CHRNB3: variants seen among roughly 807,000 people sequenced by gnomAD.
The protein encoded by CHRNB3 is cholinergic receptor nicotinic beta 3 subunit, also known as neuronal acetylcholine receptor subunit beta-3.
Under a neutral mutation model 40.6 loss-of-function variants are expected in CHRNB3, and 37 were observed. The observed-to-expected ratio is 0.91, with a 90% confidence interval of 0.70 to 1.20. The LOEUF (loss-of-function observed/expected upper bound fraction) is 1.20. Among genes scored for constraint, CHRNB3 ranks in the 50% most tolerant of loss-of-function variants. The pLI, the probability that CHRNB3 is intolerant of heterozygous loss-of-function variation, is 0.00. For missense variants in CHRNB3, 505 were observed against 551.2 expected (o/e 0.92, Z 0.84); for synonymous variants, 207 against 207.1 (o/e 1.00, Z 0.00).
chr8:42,698,449 C>T (rs1003653480), intron 1 of CHRNB3, among the ~76,000 whole-genome samples: 2 of 152,134 alleles, frequency 1.3e-5, no homozygotes, highest in Non-Finnish European at 2.9e-5. Context: ...ATTTTTGCCA[C>T]GTTTGATTAT....
At chr8:42,725,806 A>G (rs1004439650) in intron 3 of CHRNB3, 4 of 865,462 alleles carry the variant, frequency 4.6e-6, no homozygotes, top group Non-Finnish European at 7.8e-6. Flanking sequence ...CAGATTTGGA[A>G]ATCCCTAGGT....
intron 5 of CHRNB3, among the ~76,000 whole-genome samples, chr8:42,736,108 C>G (rs1266453510): frequency 6.6e-6 from 1 of 152,106 alleles, no homozygotes; most frequent in Admixed American, 6.5e-5. Flanking sequence ...CAGGTGATCC[C>G]CCCACCCCCA....
chr8:42,697,902 A>G (rs555732841), intron 1 of CHRNB3, among the ~76,000 whole-genome samples: 1 of 152,314 alleles, frequency 6.6e-6, no homozygotes, highest in South Asian at 2.1e-4. Flanking sequence ...GAATGCACTG[A>G]GCATTACTCA....
intron 2 of CHRNB3, among the ~76,000 whole-genome samples, 200 bp from the exon 3 acceptor site, chr8:42,710,190 G>A (rs919005934): frequency 3.3e-5 from 5 of 152,048 alleles, no homozygotes; most frequent in African/African-American, 7.2e-5. Context: ...GTGTGGTGGC[G>A]TGCACTTATA....
chr8:42,709,647 T>C (rs901432915), intron 2 of CHRNB3, among the ~76,000 whole-genome samples: 1 of 152,152 alleles, frequency 6.6e-6, no homozygotes, highest in African/African-American at 2.4e-5. Flanking sequence ...TTATTGTTGT[T>C]GTTGAGACAG....
At chr8:42,710,293 G>T in intron 2 of CHRNB3, 97 bp from the exon 3 acceptor site, 1 of 947,308 alleles carries the variant, frequency 1.1e-6, no homozygotes, top group East Asian at 2.6e-5. Context: ...ACTCCAGCCT[G>T]GGCAACATCT....
chr8:42,710,258 C>T, intron 2 of CHRNB3, 132 bp from the exon 3 acceptor site: 2 of 683,986 alleles, frequency 2.9e-6, no homozygotes, highest in Non-Finnish European at 2.5e-6. Flanking sequence ...GTTGAGGGTG[C>T]AGTGAGCTAT....
intron 5 of CHRNB3, 72 bp from the exon 6 acceptor site, chr8:42,736,412 T>C: frequency 6.5e-7 from 1 of 1,542,976 alleles, no homozygotes; most frequent in Non-Finnish European, 8.8e-7. Context: ...TTACTCTTTT[T>C]TAATCCCTTG....
chr8:42,725,580 A>T, intron 3 of CHRNB3: 2 of 1,044,964 alleles, frequency 1.9e-6, no homozygotes, highest in Non-Finnish European at 2.9e-6. Flanking sequence ...TGATGCATTC[A>T]CCCTGATAGC....
intron 3 of CHRNB3, among the ~76,000 whole-genome samples, chr8:42,724,374 C>T (rs1816269497): frequency 6.6e-6 from 1 of 152,160 alleles, no homozygotes; most frequent in East Asian, 1.9e-4. Context: ...GGATATCCTA[C>T]TTAACATAAT....
intron 5 of CHRNB3, among the ~76,000 whole-genome samples, chr8:42,735,690 C>G (rs1328680628): frequency 6.6e-6 from 1 of 152,070 alleles, no homozygotes; most frequent in East Asian, 1.9e-4. Context: ...GTTTATGGAC[C>G]TGTTGCCCAC....
intron 3 of CHRNB3, among the ~76,000 whole-genome samples, chr8:42,720,754 C>T (rs1816207415): frequency 6.6e-6 from 1 of 152,212 alleles, no homozygotes. Context: ...ACAAATCTTT[C>T]TGACTTAAAA....
At chr8:42,730,458 G>T in intron 3 of CHRNB3, 136 bp from the exon 4 acceptor site, 1 of 550,376 alleles carries the variant, frequency 1.8e-6, no homozygotes, top group South Asian at 3.0e-5. Context: ...CCCCAGTAGG[G>T]TCACGCAGTC....
chr8:42,733,964 A>C (rs1229567734), intron 5 of CHRNB3, among the ~76,000 whole-genome samples: 1 of 149,458 alleles, frequency 6.7e-6, no homozygotes, highest in African/African-American at 2.4e-5. Context: ...AAGCGTAAAA[A>C]GTGATCTGTT....
intron 1 of CHRNB3, among the ~76,000 whole-genome samples, chr8:42,700,883 T>C (rs145802257): frequency 3.6e-4 from 55 of 152,106 alleles, no homozygotes; most frequent in Middle Eastern, 3.4e-3. Context: ...TGGATGTTGA[T>C]ATGGAGGTGG....
chr8:42,703,435 A>AAAAAAAT, intron 1 of CHRNB3, among the ~76,000 whole-genome samples: 714 of 47,336 alleles, frequency 0.015, 142 homozygotes, highest in South Asian at 0.043. Flanking sequence ...AAAAAAAAAA[A>AAAAAAAT]ATATTTATAT....
rs1343049310 is a variant in CHRNB3, at chr8:42,731,825, C to T, written c.518C>T (p.Ser173Phe). 1 of 1,614,036 alleles carries T rather than the reference C, an allele frequency of 6.2e-7. No individual in the cohort carries two copies. Among genetic ancestry groups the T allele is most frequent in the South Asian group, 1.1e-5 (1 of 91,064 alleles). Reference sequence around the variant, plus strand: ...CAGAACTGCTCCATGAAGTTTGGATCCTGGACTTATGATGGCACCATGGTT... The same window carrying T: ...CAGAACTGCTCCATGAAGTTTGGATTCTGGACTTATGATGGCACCATGGTT... The part of the protein sequence containing the change: ...DRQNCSMKFG[S>F]WTYDGTMVDL... Residue 173 changes from serine (S) to phenylalanine (F), a missense_variant, in exon 5 of 6, where the codon TCC becomes TTC. Transcript: ENST00000289957.
intron 5 of CHRNB3, among the ~76,000 whole-genome samples, chr8:42,735,110 C>G (rs1816499579): frequency 6.6e-6 from 1 of 151,966 alleles, no homozygotes; most frequent in Admixed American, 6.6e-5. Flanking sequence ...GTCCCAGCTA[C>G]TCGGGAGGCT....
chr8:42,734,671 G>A (rs575559454), intron 5 of CHRNB3, among the ~76,000 whole-genome samples: 86 of 151,478 alleles, frequency 5.7e-4, no homozygotes, highest in African/African-American at 2.0e-3. Flanking sequence ...CGCCCACCTC[G>A]GCCTCCCAAA....
Sources: allele counts gnomAD v4.1 joint callset (sites outside exome capture counted in the v4.1 genomes callset), GRCh38; gene constraint gnomAD v4.1.1; transcripts MANE v1.5; gene names NCBI Gene and HGNC (gene_info 2026-07-23, HGNC 2026-07-21).